The following CPEB3 variants were observed in gnomAD, a reference collection of about 807,000 sequenced individuals.
CPEB3 encodes the protein cytoplasmic polyadenylation element binding protein 3.
CPEB3 carries 20 observed loss-of-function variants against 67.2 expected under a neutral mutation model. That is an observed-to-expected ratio of 0.30 (90% CI 0.21 to 0.43). CPEB3 has a LOEUF of 0.43. CPEB3 is among the 20% of genes least tolerant of loss of function. CPEB3 has a pLI of 1.00. For missense variants in CPEB3, 746 were observed against 968.6 expected, an observed-to-expected ratio of 0.77 and a Z score of 3.05; for synonymous variants, 376 against 393.1, an observed-to-expected ratio of 0.96 and a Z score of 0.51.
chr10:92,245,104 TAAAAC>T (rs1031148269), intron 1 of CPEB3, among the ~76,000 whole-genome samples: 2 of 150,142 alleles, frequency 1.3e-5, no homozygotes, highest in East Asian at 1.9e-4. Context: ...AGTTATTTCT[TAAAAC>T]AAACAAAAAC....
chr10:92,111,309 G>A (rs701846), intron 6 of CPEB3, 115 bp from the exon 7 acceptor site: 452,227 of 744,904 alleles, frequency 0.61, 141,741 homozygotes, highest in African/African-American at 0.89. Flanking sequence ...AATCTAAGAA[G>A]TTCAAGTGGG....
At chr10:92,245,105 AAAAC>A (rs958463430) in intron 1 of CPEB3, among the ~76,000 whole-genome samples, 14 of 152,086 alleles carry the variant, frequency 9.2e-5, no homozygotes, top group Admixed American at 2.6e-4. Context: ...GTTATTTCTT[AAAAC>A]AAACAAAAAC....
chr10:92,178,407 C>T (rs1247291974), intron 4 of CPEB3, among the ~76,000 whole-genome samples: 2 of 152,272 alleles, frequency 1.3e-5, no homozygotes, highest in East Asian at 3.9e-4. Flanking sequence ...GATCTGCCCA[C>T]CTCGGCCTCT....
chr10:92,238,989 ATC>A, intron 2 of CPEB3, among the ~76,000 whole-genome samples: 1 of 152,312 alleles, frequency 6.6e-6, no homozygotes, highest in Non-Finnish European at 1.5e-5. Context: ...AATGATAGGA[ATC>A]TCAGCCTACT....
At chr10:92,128,896 A>T (rs1300736973) in intron 6 of CPEB3, among the ~76,000 whole-genome samples, 1 of 152,232 alleles carries the variant, frequency 6.6e-6, no homozygotes, top group Non-Finnish European at 1.5e-5. Context: ...TGCTGGTGGG[A>T]GTGTAAATTA....
intron 9 of CPEB3, chr10:92,076,278 A>G (rs1217571963): frequency 6.6e-6 from 1 of 152,240 alleles, no homozygotes; most frequent in African/African-American, 2.4e-5. Flanking sequence ...ATCAGAAGGA[A>G]GGAGATGAAT....
At chr10:92,227,753 G>A (rs1457286528) in intron 2 of CPEB3, among the ~76,000 whole-genome samples, 3 of 151,836 alleles carry the variant, frequency 2.0e-5, no homozygotes, top group East Asian at 1.9e-4. Context: ...TACCTCGCCC[G>A]GCTAATTTTT....
chr10:92,114,331 A>C (rs897563105), intron 6 of CPEB3, among the ~76,000 whole-genome samples: 2 of 152,208 alleles, frequency 1.3e-5, no homozygotes, highest in African/African-American at 4.8e-5. Flanking sequence ...TCTTTCGAAC[A>C]TATTTCCCTT....
At chr10:92,097,406 G>C (rs1197484706) in intron 7 of CPEB3, among the ~76,000 whole-genome samples, 1 of 152,170 alleles carries the variant, frequency 6.6e-6, no homozygotes, top group African/African-American at 2.4e-5. Context: ...GCACATATGA[G>C]AGAAAATACA....
In CPEB3 at chr10:92,240,030, G is replaced by A. The variant is rs117250734; in HGVS notation, c.321C>T (p.Phe107=). 33 of 1,603,874 alleles carry A rather than the reference G, an allele frequency of 2.1e-5. No homozygotes were observed. Among genetic ancestry groups the A allele is most frequent in the Non-Finnish European group, 2.5e-5 (29 of 1,175,326 alleles). ...TGGTGCCCGTGGACCAGGTGCTGCC[G>A]AAGGACGGCGACAGCGACGCGCCCG... The part of the protein sequence containing the change: ...AAPGASLSPS[F]GSTWSTGTTN... The change falls in exon 2 of 10, where the codon TTC becomes TTT. Residue 107 remains phenylalanine, a synonymous_variant. Transcript: ENST00000265997.
At chr10:92,082,144 T>C (rs1843177654) in intron 8 of CPEB3, among the ~76,000 whole-genome samples, 1 of 152,246 alleles carries the variant, frequency 6.6e-6, no homozygotes, top group African/African-American at 2.4e-5. Flanking sequence ...TACTGAGCAC[T>C]TACAACCTAC....
intron 9 of CPEB3, among the ~76,000 whole-genome samples, chr10:92,076,533 A>G (rs1014785303): frequency 1.3e-5 from 2 of 151,950 alleles, no homozygotes; most frequent in Admixed American, 1.3e-4. Context: ...GCCTCTCCCT[A>G]TAGCTGGAAT....
At chr10:92,208,912 C>T (rs115909853) in intron 2 of CPEB3, among the ~76,000 whole-genome samples, 2,211 of 152,084 alleles carry the variant, frequency 0.015, 56 homozygotes, top group African/African-American at 0.05. Context: ...TTTTTGACTC[C>T]TCCTTTGTTT....
At chr10:92,233,609 G>C (rs1023239835) in intron 2 of CPEB3, among the ~76,000 whole-genome samples, 1 of 150,074 alleles carries the variant, frequency 6.7e-6, no homozygotes, top group African/African-American at 2.4e-5. Flanking sequence ...CAAACTACTT[G>C]AAAAATATTG....
chr10:92,160,422 CA>C lies in CPEB3; in HGVS notation c.1223-15338del, dbSNP rs571552586. On this transcript the variant is annotated intron_variant, in intron 4 of 9. Coordinates refer to ENST00000265997, the MANE Select transcript of CPEB3 (RefSeq NM_014912.5). Reference sequence around the variant, plus strand: ...TAGCTTCCTACCTTGATCCCTCCCCCAAATTTGCTTCATCCATAATTATATG... The same window carrying C: ...TAGCTTCCTACCTTGATCCCTCCCCCAATTTGCTTCATCCATAATTATATG... 7.9e-5 allele frequency among the ~76,000 whole-genome samples: 12 copies of C among 152,198 alleles called. No individual in the cohort carries two copies. In the South Asian group the frequency reaches 2.3e-3, roughly 29 times the overall value.
At position 92,145,001 on chromosome 10, in the gene CPEB3, A is replaced by G. The variant is rs771075763; in HGVS notation, c.1307T>C (p.Val436Ala). The G allele has an allele frequency of 1.3e-5, 21 of 1,613,964 alleles. No homozygotes were observed. The East Asian group carries it at 4.0e-4, about 31-fold the overall frequency. ...AAACACCTTTCTAGAGTAGCGTTCT[A>G]CTCGTTCCCCATTTTGACAGCGAGT... ...SPTRCQNGER[V>A]ERYSRKVFVG... Residue 436 changes from valine (V) to alanine (A), a missense_variant, in exon 5 of 10, where the codon GTA becomes GCA. Transcript: ENST00000265997.
intron 6 of CPEB3, among the ~76,000 whole-genome samples, chr10:92,111,909 G>A (rs1844763168): frequency 6.6e-6 from 1 of 152,118 alleles, no homozygotes; most frequent in Non-Finnish European, 1.5e-5. Flanking sequence ...AAGCTGGTGT[G>A]CTTTTGCCTG....
chr10:92,156,213 T>C (rs939066699), intron 4 of CPEB3, among the ~76,000 whole-genome samples: 7 of 152,104 alleles, frequency 4.6e-5, no homozygotes, highest in African/African-American at 1.7e-4. Flanking sequence ...AAGGGTAAGG[T>C]TTGAACTAGT....
intron 6 of CPEB3, chr10:92,137,479 G>T: frequency 8.2e-6 from 10 of 1,213,436 alleles, no homozygotes; most frequent in Non-Finnish European, 1.2e-5. Flanking sequence ...CACCCAGGTG[G>T]TTTTGCTATC....
Sources: allele counts gnomAD v4.1 joint callset (sites outside exome capture counted in the v4.1 genomes callset), GRCh38; gene constraint gnomAD v4.1.1; transcripts MANE v1.5; gene names NCBI Gene and HGNC (gene_info 2026-07-23, HGNC 2026-07-21).